Variants in TRIM72 observed in about 807,000 individuals in gnomAD.
TRIM72 encodes tripartite motif containing 72.
TRIM72 carries 33 observed loss-of-function variants against 31.6 expected under a neutral mutation model. The observed-to-expected ratio is 1.04, with a 90% CI of 0.79 to 1.40. The LOEUF is 1.40. TRIM72 is among the 40% of genes most tolerant of loss of function. TRIM72 has a pLI of 0.00. For missense variants in TRIM72, 666 were observed against 682.7 expected, an observed-to-expected ratio of 0.98 and a Z score of 0.27; for synonymous variants, 301 against 314.4, an observed-to-expected ratio of 0.96 and a Z score of 0.45.
Position 31,222,945 on chromosome 16 carries a change from G to T in TRIM72, c.859G>T (p.Ala287Ser). The stretch of plus-strand genomic sequence containing the variant: ...GAAGATGTTCCGGGCTCTGATGCCA[G>T]GTACCGGGAGGGACTGGCTCAGGTT... ...WRKMFRALMPALEELTFDPSS... is the reference protein window; with the variant it reads ...WRKMFRALMPSLEELTFDPSS... The change falls in exon 6 of 7, where the codon GCG becomes TCG. Residue 287 changes from alanine (A) to serine (S), a missense_variant and splice_region_variant. Ala to Ser is a moderately conservative substitution (Grantham distance 99). Transcript: ENST00000322122. 6.3e-7 allele frequency: 1 copy of T among 1,580,812 alleles called. No individual in the cohort carries two copies. The highest frequency in any genetic ancestry group is 2.4e-5 in the East Asian group (1 of 40,934).
At position 31,226,411 on chromosome 16, in the gene TRIM72, T is replaced by C. The variant is rs767905678; in HGVS notation, c.*1656T>C. ...GAGTTTGAGACCAGCCTGGGGAACA[T>C]AGTGAGACCCTGTTGCAACAAAAAC... On this transcript the variant is annotated 3_prime_UTR_variant, in exon 7 of 7. Transcript: ENST00000322122. The C allele has an allele frequency of 1.3e-5, 2 of 152,018 alleles. No individual in the cohort carries two copies. Among genetic ancestry groups the C allele is most frequent in the Non-Finnish European group, 2.9e-5 (2 of 68,018 alleles). The allele number at this position is 152,018 out of a possible 1,614,324, so 9.4% of individuals were successfully genotyped here. A position where few individuals can be genotyped will look rare whatever the true frequency, so the allele number is the denominator to read the frequency against.
At position 31,216,845 on chromosome 16, in the gene TRIM72, C is replaced by T. The variant is rs1283699650; in HGVS notation, c.390+1717C>T. On this transcript the variant is annotated intron_variant, in intron 2 of 6. Coordinates refer to ENST00000322122, the MANE Select transcript of TRIM72 (RefSeq NM_001008274.4). This position sits in a 1 kb window ranked among gnomAD's most constrained non-coding sequence, Gnocchi z 6.7. ...ACGACGAGCTCGGCTGCGTAGTCCT[C>T]GTAGTAGGAGGCGACCAGCTTGTCG... 2.5e-6 allele frequency: 4 copies of T among 1,613,798 alleles called. No homozygotes were observed. The highest frequency in any genetic ancestry group is 2.5e-6 in the Non-Finnish European group (3 of 1,179,964).
Position 31,215,355 on chromosome 16 carries a change from C to G in TRIM72, c.390+227C>G, listed in dbSNP as rs1215538820. Among the ~76,000 whole-genome samples, 2 of 152,190 alleles carry G rather than the reference C, an allele frequency of 1.3e-5. No homozygotes were observed. The highest frequency in any genetic ancestry group is 3.9e-4 in the East Asian group (2 of 5,178). On this transcript the variant is annotated intron_variant, in intron 2 of 6. Transcript: ENST00000322122. The surrounding 1 kb of genome is among the most constrained non-coding windows in gnomAD (Gnocchi z 6.3). ...GGGATGGAGCCTGGCGATAAGGGCGCTGAGCAAACGTAGGTTTCCCGGCCT... is the reference window on the plus strand; with the variant it reads ...GGGATGGAGCCTGGCGATAAGGGCGGTGAGCAAACGTAGGTTTCCCGGCCT...
chr16:31,220,968 A>C, intron 5 of TRIM72, 50 bp downstream of exon 5: 2 of 1,611,110 alleles, frequency 1.2e-6, no homozygotes, highest in Non-Finnish European at 1.7e-6. Flanking sequence ...CCAGTCTTCT[A>C]GGGACACCAG....
rs71151452 is a variant in TRIM72, at chr16:31,220,456, GTTTTTTTTTT to G, written c.718-419_718-410del. ...GCCTTGAGTTCTAGGTCTCTTTTGC[GTTTTTTTTTT>G]TTTTTTTTTTTTTTTTTTTTGAGAC... On this transcript the variant is annotated intron_variant, in intron 4 of 6. Coordinates refer to ENST00000322122, the MANE Select transcript of TRIM72 (RefSeq NM_001008274.4). Among the ~76,000 whole-genome samples the G allele has an allele frequency of 0.014, 412 of 29,556 alleles. 23 individuals are homozygous for G. The South Asian group carries it at 0.31, about 22-fold the overall frequency. The allele number at this position is 29,556 out of a possible 152,430, so 19.4% of individuals were successfully genotyped here.
In TRIM72 at chr16:31,219,281, C is replaced by A; in HGVS notation, c.487-8C>A. The A allele has an allele frequency of 6.2e-7, 1 of 1,614,186 alleles. No homozygotes were observed. Among genetic ancestry groups the A allele is most frequent in the South Asian group, 1.1e-5 (1 of 91,090 alleles). On this transcript the variant is annotated splice_polypyrimidine_tract_variant and splice_region_variant and intron_variant, in intron 3 of 6. Transcript: ENST00000322122. The surrounding 1 kb of genome is among the most constrained non-coding windows in gnomAD (Gnocchi z 4.2). ...TTTATCCCTTCAATCACTGCCCCAT[C>A]CCTGCAGGAGACAGTGCGTCAGTTC... is the stretch of plus-strand genomic sequence containing the variant.
Position 31,216,694 on chromosome 16 carries a change from CG to C in TRIM72, c.390+1567del. On this transcript the variant is annotated intron_variant, in intron 2 of 6. Coordinates refer to ENST00000322122, the MANE Select transcript of TRIM72 (RefSeq NM_001008274.4). The surrounding 1 kb of genome is among the most constrained non-coding windows in gnomAD (Gnocchi z 6.7). ...CAGGAAGGCTCTGGGCGGGACCTGACGCGTGGGTCCTTGGCGAGGAAGCGGG... is the reference window on the plus strand; with the variant it reads ...CAGGAAGGCTCTGGGCGGGACCTGACCGTGGGTCCTTGGCGAGGAAGCGGG... 1 of 1,538,564 alleles carries C rather than the reference CG, an allele frequency of 6.5e-7. No homozygotes were observed.
chr16:31,218,616 A>C (rs2144192138), intron 2 of TRIM72, among the ~76,000 whole-genome samples: 1 of 151,888 alleles, frequency 6.6e-6, no homozygotes, highest in African/African-American at 2.4e-5. Flanking sequence ...CAGGAGGTGG[A>C]GGTTGCAGTG....
Position 31,216,616 on chromosome 16 carries a change from G to T in TRIM72, c.390+1488G>T. On this transcript the variant is annotated intron_variant, in intron 2 of 6. Transcript: ENST00000322122. The surrounding 1 kb of genome is among the most constrained non-coding windows in gnomAD (Gnocchi z 6.7). ...AGCCCAGCCCTTCGCCCCCGGGAGG[G>T]GCTGGCCGGAGGTCTGAGGGAGGAC... 1 of 1,011,568 alleles carries T rather than the reference G, an allele frequency of 9.9e-7. No individual in the cohort carries two copies. The highest frequency in any genetic ancestry group is 1.4e-6 in the Non-Finnish European group (1 of 694,222). The allele number at this position is 1,011,568 out of a possible 1,614,324, so 62.7% of individuals were successfully genotyped here.
chr16:31,224,020 C>G (rs1270452551), intron 6 of TRIM72, among the ~76,000 whole-genome samples, 161 bp from the exon 7 acceptor site: 1 of 152,224 alleles, frequency 6.6e-6, no homozygotes, highest in Non-Finnish European at 1.5e-5. Flanking sequence ...CATCTCACAG[C>G]TGGGCAAACT....
rs746294779 is a variant in TRIM72, at chr16:31,222,988, T to A, written c.859+43T>A. 7.3e-6 allele frequency: 11 copies of A among 1,505,324 alleles called. No individual in the cohort carries two copies. In the South Asian group the frequency reaches 1.3e-4, roughly 18 times the overall value. The allele number at this position is 1,505,324 out of a possible 1,614,324, so 93.2% of individuals were successfully genotyped here. On this transcript the variant is annotated intron_variant, in intron 6 of 6. Transcript: ENST00000322122. ...CTCAGGTTTGTGTGTGACCAGGCAG[T>A]TGATGGGAGGCCCTAGCCACCCTGG...
rs1219189892 is a variant in TRIM72, at chr16:31,231,158, G to C, written c.*6403G>C. ...CCTGCCTCAGCCTCCCAAGTAGCTG[G>C]GACTACAGGCGCCCGCCACCATGCC... is the stretch of plus-strand genomic sequence containing the variant. On this transcript the variant is annotated 3_prime_UTR_variant, in exon 7 of 7. Coordinates refer to ENST00000322122, the MANE Select transcript of TRIM72 (RefSeq NM_001008274.4). 6.6e-6 allele frequency: 1 copy of C among 151,966 alleles called. No individual in the cohort carries two copies. Among genetic ancestry groups the C allele is most frequent in the Non-Finnish European group, 1.5e-5 (1 of 68,046 alleles). The allele number at this position is 151,966 out of a possible 1,614,324, so 9.4% of individuals were successfully genotyped here.
chr16:31,224,627 G>T lies in TRIM72; in HGVS notation c.1306G>T (p.Val436Leu), dbSNP rs2079548328. The T allele has an allele frequency of 1.3e-6, 2 of 1,549,560 alleles. No individual in the cohort carries two copies. Among genetic ancestry groups the T allele is most frequent in the South Asian group, 2.3e-5 (2 of 85,180 alleles). The change falls in exon 7 of 7, where the codon GTG becomes TTG. Residue 436 changes from valine (V) to leucine (L), a missense_variant. Val to Leu is a conservative substitution (Grantham distance 32, BLOSUM62 1). Transcript: ENST00000322122. ...FYDASDADAL[V>L]PLFAFHERLP... ...CGATGCCAGCGACGCCGACGCGCTC[G>T]TGCCGCTTTTTGCCTTCCACGAGCG...
At chr16:31,217,123 C>T in intron 2 of TRIM72, 6 of 1,350,216 alleles carry the variant, frequency 4.4e-6, no homozygotes, top group Non-Finnish European at 6.1e-6. Flanking sequence ...GGGGATGTCC[C>T]GGGAAGGAGA....
Position 31,222,809 on chromosome 16 carries a change from T to TCCCCCCC in TRIM72, c.741-14_741-13insCCCCCCC. The TCCCCCCC allele has an allele frequency of 2.2e-5, 11 of 505,034 alleles. No homozygotes were observed. The highest frequency in any genetic ancestry group is 4.4e-5 in the South Asian group (2 of 45,658). The allele number at this position is 505,034 out of a possible 1,614,324, so 31.3% of individuals were successfully genotyped here. ...CTCCCCCCTCACACATGCCTCCCCTTCCCCTCCCCACCCCCAGGCTGCAGA... is the reference window on the plus strand; with the variant it reads ...CTCCCCCCTCACACATGCCTCCCCTTCCCCCCCCCCCTCCCCACCCCCAGGCTGCAGA... On this transcript the variant is annotated splice_polypyrimidine_tract_variant and intron_variant, in intron 5 of 6. Coordinates refer to ENST00000322122, the MANE Select transcript of TRIM72 (RefSeq NM_001008274.4).
intron 5 of TRIM72, among the ~76,000 whole-genome samples, chr16:31,221,355 G>T (rs1037579525): frequency 6.6e-6 from 1 of 150,930 alleles, no homozygotes; most frequent in African/African-American, 2.4e-5. Flanking sequence ...GGGAAAAGAA[G>T]GGCATTGCTG....
At chr16:31,222,482 C>CTTTTTTTT (rs3060409) in intron 5 of TRIM72, among the ~76,000 whole-genome samples, 36 of 117,934 alleles carry the variant, frequency 3.1e-4, no homozygotes, top group East Asian at 1.3e-3. Context: ...TCTTCTTCTT[C>CTTTTTTTT]TTTTTTTTTT....
chr16:31,222,482 C>CTTTTTTTTTTTT (rs3060409), intron 5 of TRIM72, among the ~76,000 whole-genome samples: 1 of 117,978 alleles, frequency 8.5e-6, no homozygotes, highest in Non-Finnish European at 1.7e-5. Flanking sequence ...TCTTCTTCTT[C>CTTTTTTTTTTTT]TTTTTTTTTT....
rs1393209259 is a variant in TRIM72, at chr16:31,224,562, G to C, written c.1241G>C (p.Gly414Ala). 6.5e-7 allele frequency: 1 copy of C among 1,546,470 alleles called. No individual in the cohort carries two copies. Among genetic ancestry groups the C allele is most frequent in the Admixed American group, 1.9e-5 (1 of 52,618 alleles). Residue 414 changes from glycine (G) to alanine (A), a missense_variant, in exon 7 of 7, where the codon GGC becomes GCC. Transcript: ENST00000322122. ...RSPERRPTRIGLYLSFGDGVL... is the reference protein window; with the variant it reads ...RSPERRPTRIALYLSFGDGVL... ...CCCGAGAGGCGGCCCACGCGCATTGGCCTTTACCTGAGCTTCGGCGACGGC... is the reference window on the plus strand; with the variant it reads ...CCCGAGAGGCGGCCCACGCGCATTGCCCTTTACCTGAGCTTCGGCGACGGC...
Sources: gnomAD v4.1 joint callset for allele counts (sites outside exome capture counted in the v4.1 genomes callset) on GRCh38, gnomAD v4.1.1 for gene constraint, Gnocchi (gnomAD v3.1) non-coding constraint, MANE v1.5 for transcripts, NCBI Gene and HGNC (gene_info 2026-07-23, HGNC 2026-07-21) for gene names.